MMADHC: variants seen among roughly 807,000 people sequenced by gnomAD.
MMADHC encodes the protein metabolism of cobalamin associated D, also known as cobalamin trafficking protein CblD.
A neutral mutation model predicts 36.3 loss-of-function variants in MMADHC; 23 were observed. The ratio of observed to expected loss-of-function variants is 0.63; its 90% CI spans 0.46 to 0.90. The LOEUF (loss-of-function observed/expected upper bound fraction) is 0.90, where lower values mean the gene tolerates loss of function less well. MMADHC is among the 40% of genes least tolerant of loss of function. MMADHC has a pLI of 0.00. For synonymous variants in MMADHC, 97 were observed against 116.1 expected (o/e 0.84, Z 1.06); for missense variants, 330 against 348.0 (o/e 0.95, Z 0.41).
chr2:149,583,395 A>AT (rs1682821396), intron 2 of MMADHC, among the ~76,000 whole-genome samples: 1 of 152,192 alleles, frequency 6.6e-6, no homozygotes, highest in Non-Finnish European at 1.5e-5. Flanking sequence ...GAGGGTAGGT[A>AT]TAAGAATGCA....
At chr2:149,577,948 T>C (rs898483317) in intron 4 of MMADHC, among the ~76,000 whole-genome samples, 4 of 151,714 alleles carry the variant, frequency 2.6e-5, no homozygotes, top group Admixed American at 6.6e-5. Flanking sequence ...AACTAGGGAG[T>C]TGCAGGTTGC....
chr2:149,578,919 GAA>G (rs199772659), intron 4 of MMADHC, among the ~76,000 whole-genome samples: 5 of 125,248 alleles, frequency 4.0e-5, no homozygotes, highest in African/African-American at 1.2e-4. Flanking sequence ...GTTTAAAAAT[GAA>G]AAAAAAAAAC....
At chr2:149,571,731 G>C (rs1162767684) in intron 6 of MMADHC, among the ~76,000 whole-genome samples, 2 of 148,688 alleles carry the variant, frequency 1.3e-5, no homozygotes, top group African/African-American at 2.5e-5. Flanking sequence ...AGTGAGCCGA[G>C]ATCGCGCCAC....
At position 149,569,763 on chromosome 2, in the gene MMADHC, A is replaced by G; in HGVS notation, c.*211T>C. ...ACAAGCTAATTACCACATCCTATACAATGTGGATGTGTTCAACGTGTATTC... is the reference window on the plus strand; with the variant it reads ...ACAAGCTAATTACCACATCCTATACGATGTGGATGTGTTCAACGTGTATTC... On this transcript the variant is annotated 3_prime_UTR_variant, in exon 8 of 8. Transcript: ENST00000303319. 1 of 517,418 alleles carries G rather than the reference A, an allele frequency of 1.9e-6. No homozygotes were observed. Among genetic ancestry groups the G allele is most frequent in the South Asian group, 2.4e-5 (1 of 41,630 alleles). The allele number at this position is 517,418 out of a possible 1,614,324, so 32.1% of individuals were successfully genotyped here. A position where few individuals can be genotyped will look rare whatever the true frequency, so the allele number is the denominator to read the frequency against.
rs1025774886 is a variant in MMADHC, at chr2:149,582,328, T to C, written c.10-57A>G. 23 of 1,572,210 alleles carry C rather than the reference T, an allele frequency of 1.5e-5. No individual in the cohort carries two copies. The South Asian group carries it at 1.5e-4, about 10-fold the overall frequency. On this transcript the variant is annotated intron_variant, in intron 2 of 7. Transcript: ENST00000303319. ...TCTGAATATAAATGTTATACTTACA[T>C]AGACAATCTCTGGCAAATCTTCACA... is the stretch of plus-strand genomic sequence containing the variant.
intron 7 of MMADHC, among the ~76,000 whole-genome samples, 157 bp downstream of exon 7, chr2:149,570,927 CA>C (rs1682629404): frequency 6.6e-6 from 1 of 152,140 alleles, no homozygotes; most frequent in Non-Finnish European, 1.5e-5. Context: ...AGAGGTCTCT[CA>C]AAAGTTGAGA....
At chr2:149,575,867 G>A (rs751573741) in intron 5 of MMADHC, 26 bp from the exon 6 acceptor site, 3 of 1,533,172 alleles carry the variant, frequency 2.0e-6, no homozygotes, top group South Asian at 2.4e-5. Flanking sequence ...AACATTCCAG[G>A]TAGAAAAGAA....
At chr2:149,584,392 ATAC>A (rs1682833500) in intron 2 of MMADHC, among the ~76,000 whole-genome samples, 1 of 152,222 alleles carries the variant, frequency 6.6e-6, no homozygotes, top group African/African-American at 2.4e-5. Flanking sequence ...ACAATTCTAT[ATAC>A]TGTTATTAGA....
At chr2:149,581,029 T>C (rs1682786044) in intron 3 of MMADHC, among the ~76,000 whole-genome samples, 1 of 152,196 alleles carries the variant, frequency 6.6e-6, no homozygotes, top group Non-Finnish European at 1.5e-5. Flanking sequence ...TTAGCTATTT[T>C]TGAACAAGAT....
intron 3 of MMADHC, among the ~76,000 whole-genome samples, chr2:149,581,071 T>A (rs1471646193): frequency 6.6e-6 from 1 of 152,232 alleles, no homozygotes; most frequent in African/African-American, 2.4e-5. Flanking sequence ...CCCTAGATTC[T>A]CTTTACAGAA....
chr2:149,578,580 G>A (rs1426153715), intron 4 of MMADHC, among the ~76,000 whole-genome samples: 1 of 152,108 alleles, frequency 6.6e-6, no homozygotes, highest in Non-Finnish European at 1.5e-5. Context: ...AGTGACCAAG[G>A]GGTGATTCAA....
intron 6 of MMADHC, among the ~76,000 whole-genome samples, chr2:149,575,263 T>C (rs1484278855): frequency 6.6e-6 from 1 of 152,154 alleles, no homozygotes; most frequent in African/African-American, 2.4e-5. Flanking sequence ...TATTACACTA[T>C]TATTGTACTG....
At chr2:149,575,626 A>G (rs1682702968) in intron 6 of MMADHC, 85 bp downstream of exon 6, 1 of 1,161,720 alleles carries the variant, frequency 8.6e-7, no homozygotes. Context: ...AAGGGTGGAA[A>G]TGACAGTCAT....
At chr2:149,571,858 G>A (rs183489397) in intron 6 of MMADHC, among the ~76,000 whole-genome samples, 27 of 151,298 alleles carry the variant, frequency 1.8e-4, no homozygotes, top group African/African-American at 6.3e-4. Flanking sequence ...ACATTCATTC[G>A]TTTAAATGAA....
chr2:149,575,439 AGAGTT>A (rs891140778), intron 6 of MMADHC, among the ~76,000 whole-genome samples: 8 of 152,088 alleles, frequency 5.3e-5, no homozygotes, highest in African/African-American at 1.9e-4. Context: ...AGAAGGATAA[AGAGTT>A]AATTTTACCT....
At chr2:149,571,017 T>C in intron 7 of MMADHC, 68 bp downstream of exon 7, 1 of 1,286,734 alleles carries the variant, frequency 7.8e-7, no homozygotes, top group Non-Finnish European at 1.1e-6. Context: ...ACCAAAGTTA[T>C]AAACACATTT....
chr2:149,586,916 G>GCTA (rs1169729971), intron 2 of MMADHC, 173 bp downstream of exon 2: 8 of 671,364 alleles, frequency 1.2e-5, no homozygotes, highest in Non-Finnish European at 5.3e-6. Flanking sequence ...TGCAAAGAAT[G>GCTA]CTACCATCTT....
At chr2:149,577,671 GA>G (rs887570754) in intron 4 of MMADHC, among the ~76,000 whole-genome samples, 20 of 150,872 alleles carry the variant, frequency 1.3e-4, no homozygotes, top group African/African-American at 3.9e-4. Context: ...AAAAAAGAAA[GA>G]AAAAAAAATA....
chr2:149,584,020 A>T (rs937629914), intron 2 of MMADHC, among the ~76,000 whole-genome samples: 14 of 152,272 alleles, frequency 9.2e-5, no homozygotes, highest in African/African-American at 3.4e-4. Flanking sequence ...CATTCTGTCA[A>T]CCTGAAAATT....
Sources: gnomAD v4.1 joint callset for allele counts (sites outside exome capture counted in the v4.1 genomes callset) on GRCh38, gnomAD v4.1.1 for gene constraint, MANE v1.5 for transcripts, NCBI Gene and HGNC (gene_info 2026-07-23, HGNC 2026-07-21) for gene names.